The following LRFN5 variants were observed in gnomAD, a reference collection of about 807,000 sequenced individuals.
The protein encoded by LRFN5 is leucine rich repeat and fibronectin type III domain containing 5.
A neutral mutation model predicts 45.6 loss-of-function variants in LRFN5; 24 were observed. The ratio of observed to expected loss-of-function variants is 0.53; its 90% CI spans 0.38 to 0.74. The LOEUF (loss-of-function observed/expected upper bound fraction) is 0.74, where lower values mean the gene tolerates loss of function less well. Ranked by LOEUF, LRFN5 falls within the 30% of genes least tolerant of loss-of-function variation. LRFN5 has a pLI of 0.00. For synonymous variants in LRFN5, 340 were observed against 313.8 expected (o/e 1.08, Z -0.88); for missense variants, 776 against 861.5 (o/e 0.90, Z 1.24).
intron 2 of LRFN5, among the ~76,000 whole-genome samples, chr14:41,817,880 A>T (rs73319451): frequency 2.0e-5 from 3 of 152,068 alleles, no homozygotes; most frequent in Admixed American, 6.6e-5. Context: ...AGGTTTTCCT[A>T]TATAGATAGT....
intron 1 of LRFN5, among the ~76,000 whole-genome samples, chr14:41,655,877 A>G (rs980361829): frequency 3.9e-5 from 6 of 152,044 alleles, no homozygotes; most frequent in African/African-American, 1.4e-4. Context: ...TAAGGATTAC[A>G]TAGTTCATAT....
chr14:41,806,400 T>C (rs1887526892), intron 2 of LRFN5, among the ~76,000 whole-genome samples: 1 of 152,176 alleles, frequency 6.6e-6, no homozygotes, highest in Non-Finnish European at 1.5e-5. Flanking sequence ...ACTAGATGGA[T>C]AGTCAATTGC....
intron 1 of LRFN5, among the ~76,000 whole-genome samples, chr14:41,715,531 A>G (rs1171618436): frequency 6.6e-6 from 1 of 152,164 alleles, no homozygotes; most frequent in Non-Finnish European, 1.5e-5. Flanking sequence ...TTTCAGAAGC[A>G]AAGGAGTTTG....
At chr14:41,870,112 A>T (rs533767117) in intron 2 of LRFN5, among the ~76,000 whole-genome samples, 1 of 152,246 alleles carries the variant, frequency 6.6e-6, no homozygotes, top group Admixed American at 6.5e-5. Flanking sequence ...TGATAAATGT[A>T]TTGGCCTGGT....
intron 1 of LRFN5, chr14:41,700,527 G>C (rs933497719): frequency 6.6e-6 from 1 of 151,832 alleles, no homozygotes; most frequent in Non-Finnish European, 1.5e-5. Flanking sequence ...ATGATATGGG[G>C]TTTCACAATG....
Position 41,607,859 on chromosome 14 carries a change from G to C in LRFN5, c.-900G>C, listed in dbSNP as rs943963123. Reference sequence around the variant, plus strand: ...TTCTCTTGGCCAGAAGGATATTTACGTTTTGGTTCACAGCATTTGAAGCCA... The same window carrying C: ...TTCTCTTGGCCAGAAGGATATTTACCTTTTGGTTCACAGCATTTGAAGCCA... On this transcript the variant is annotated 5_prime_UTR_variant, in exon 1 of 6. Transcript: ENST00000298119. 6.6e-6 allele frequency: 1 copy of C among 152,156 alleles called. No homozygotes were observed. Among genetic ancestry groups the C allele is most frequent in the African/African-American group, 2.4e-5 (1 of 41,408 alleles). The allele number at this position is 152,156 out of a possible 1,614,324, so 9.4% of individuals were successfully genotyped here.
chr14:41,902,774 A>T (rs901382765), intron 5 of LRFN5, among the ~76,000 whole-genome samples: 2 of 151,746 alleles, frequency 1.3e-5, no homozygotes, highest in African/African-American at 4.8e-5. Context: ...ACTTTTTGTA[A>T]CTTGACCTTT....
intron 1 of LRFN5, among the ~76,000 whole-genome samples, chr14:41,708,343 A>G (rs1003235357): frequency 6.6e-6 from 1 of 151,980 alleles, no homozygotes; most frequent in African/African-American, 2.4e-5. Context: ...TCATTCAACA[A>G]CTTAAAATAT....
chr14:41,891,088 A>AT (rs1890763217), intron 3 of LRFN5, among the ~76,000 whole-genome samples, 162 bp from the exon 4 acceptor site: 1 of 152,200 alleles, frequency 6.6e-6, no homozygotes, highest in Non-Finnish European at 1.5e-5. Context: ...ACTTTTAGCC[A>AT]TTTTAACTCA....
chr14:41,655,322 A>G (rs1331769019), intron 1 of LRFN5, among the ~76,000 whole-genome samples: 1 of 152,064 alleles, frequency 6.6e-6, no homozygotes, highest in Non-Finnish European at 1.5e-5. Flanking sequence ...AATCCTCACT[A>G]ATAATATTTG....
chr14:41,768,894 T>C (rs1414389411), intron 2 of LRFN5, among the ~76,000 whole-genome samples: 1 of 152,194 alleles, frequency 6.6e-6, no homozygotes, highest in Non-Finnish European at 1.5e-5. Flanking sequence ...AAGATTTTCT[T>C]AATTAACCTG....
chr14:41,684,626 G>A (rs1351024560), intron 1 of LRFN5, among the ~76,000 whole-genome samples: 9 of 152,120 alleles, frequency 5.9e-5, no homozygotes, highest in Admixed American at 5.9e-4. Context: ...TGAGGACACA[G>A]CCAAACCATA....
At chr14:41,808,928 C>T (rs924360420) in intron 2 of LRFN5, among the ~76,000 whole-genome samples, 3 of 152,058 alleles carry the variant, frequency 2.0e-5, no homozygotes, top group Admixed American at 1.3e-4. Context: ...TTTCTAGGCA[C>T]TTTACTTGAT....
At chr14:41,715,988 A>T (rs1295909838) in intron 1 of LRFN5, among the ~76,000 whole-genome samples, 1 of 152,208 alleles carries the variant, frequency 6.6e-6, no homozygotes, top group Admixed American at 6.5e-5. Flanking sequence ...CCCAAACTCC[A>T]GTTCTTGACT....
At chr14:41,727,840 C>T (rs1438229833) in intron 1 of LRFN5, among the ~76,000 whole-genome samples, 1 of 152,030 alleles carries the variant, frequency 6.6e-6, no homozygotes, top group Non-Finnish European at 1.5e-5. Flanking sequence ...TTATTTTCTG[C>T]ATTTATAAAA....
intron 2 of LRFN5, among the ~76,000 whole-genome samples, chr14:41,797,099 A>G (rs114257769): frequency 0.015 from 2,212 of 151,962 alleles, 46 homozygotes; most frequent in African/African-American, 0.049. Context: ...ATATTAATCA[A>G]CAGTGTCAAA....
In LRFN5 at chr14:41,900,081, C is replaced by T. The variant is rs905560476; in HGVS notation, c.2142+1121C>T. On this transcript the variant is annotated intron_variant, in intron 5 of 5. Coordinates refer to ENST00000298119, the MANE Select transcript of LRFN5 (RefSeq NM_152447.5). ...CACTCTCTCTCCCTCTTTGCCTCTC[C>T]TTCTCTTTCTCTCTTTCATTTTTAA... is the stretch of plus-strand genomic sequence containing the variant. Among the ~76,000 whole-genome samples, 6 of 151,978 alleles carry T rather than the reference C, an allele frequency of 3.9e-5. No homozygotes were observed. The Admixed American group carries it at 3.9e-4, about 10-fold the overall frequency.
intron 1 of LRFN5, chr14:41,731,318 T>G (rs1002743423): frequency 6.6e-6 from 1 of 152,088 alleles, no homozygotes; most frequent in African/African-American, 2.4e-5. Flanking sequence ...CTTTTTAAAT[T>G]TGTCACAAAC....
chr14:41,773,144 A>T (rs551739551), intron 2 of LRFN5, among the ~76,000 whole-genome samples: 25 of 152,226 alleles, frequency 1.6e-4, no homozygotes, highest in African/African-American at 6.0e-4. Context: ...CATTTTTCTA[A>T]ATGGCCCCAA....
Sources: gnomAD v4.1 joint callset for allele counts (sites outside exome capture counted in the v4.1 genomes callset) on GRCh38, gnomAD v4.1.1 for gene constraint, MANE v1.5 for transcripts, NCBI Gene and HGNC (gene_info 2026-07-23, HGNC 2026-07-21) for gene names.